The following NCAPD3 variants were observed in gnomAD, a reference collection of about 807,000 sequenced individuals.
The protein encoded by NCAPD3 is non-SMC condensin II complex subunit D3, also known as condensin-2 complex subunit D3.
NCAPD3 carries 105 observed loss-of-function variants against 182.9 expected under a neutral mutation model. The ratio of observed to expected loss-of-function variants is 0.57; its 90% CI spans 0.49 to 0.68. NCAPD3 has a LOEUF of 0.68. Ranked by LOEUF, NCAPD3 falls within the 30% of genes least tolerant of loss-of-function variation. The pLI is 0.00. For missense variants in NCAPD3, 1,944 were observed against 1,837.0 expected (o/e 1.06, Z -1.07); for synonymous variants, 815 against 679.9 (o/e 1.20, Z -3.09).
intron 3 of NCAPD3, among the ~76,000 whole-genome samples, chr11:134,214,928 A>T (rs576545503): frequency 6.6e-6 from 1 of 152,348 alleles, no homozygotes; most frequent in Non-Finnish European, 1.5e-5. Flanking sequence ...ATCTCAAAAA[A>T]AGAATATCCC....
chr11:134,177,155 A>G (rs946236946), intron 23 of NCAPD3, 64 bp downstream of exon 23: 2 of 1,285,152 alleles, frequency 1.6e-6, no homozygotes, highest in East Asian at 2.3e-5. Flanking sequence ...TATGCTACTC[A>G]AATATTCCCT....
Position 134,217,117 on chromosome 11 carries a change from T to C in NCAPD3, c.220-19A>G, listed in dbSNP as rs756258707. ...AGATACTCTGTGGGGAGACCGCAAA[T>C]CACAAAAGCCAGTCATTAGAGAAAT... On this transcript the variant is annotated intron_variant, in intron 2 of 34. Coordinates refer to ENST00000534548, the MANE Select transcript of NCAPD3 (RefSeq NM_015261.3). The C allele has an allele frequency of 2.6e-6, 4 of 1,552,582 alleles. No homozygotes were observed. Among genetic ancestry groups the C allele is most frequent in the African/African-American group, 2.8e-5 (2 of 71,770 alleles).
intron 27 of NCAPD3, among the ~76,000 whole-genome samples, chr11:134,165,430 C>G (rs755099778): frequency 6.8e-6 from 1 of 147,730 alleles, no homozygotes; most frequent in Non-Finnish European, 1.5e-5. Flanking sequence ...AAGAAGCACA[C>G]TCGTGAGATG....
chr11:134,172,142 C>T (rs1591833520), intron 24 of NCAPD3, among the ~76,000 whole-genome samples: 1 of 152,274 alleles, frequency 6.6e-6, no homozygotes. Context: ...GACGCCTCCA[C>T]CTCCACCTCC....
chr11:134,158,595 T>C (rs2120534196), intron 29 of NCAPD3, 100 bp from the exon 30 acceptor site: 6 of 1,259,582 alleles, frequency 4.8e-6, no homozygotes, highest in South Asian at 4.2e-5. Flanking sequence ...ATATGAGATT[T>C]TGATACATGT....
At chr11:134,156,162 A>G (rs1591818117) in intron 32 of NCAPD3, among the ~76,000 whole-genome samples, 2 of 152,336 alleles carry the variant, frequency 1.3e-5, no homozygotes, top group South Asian at 4.1e-4. Flanking sequence ...GCCTGGGCTC[A>G]GCGCCCAGCT....
intron 19 of NCAPD3, 32 bp from the exon 20 acceptor site, chr11:134,181,216 C>A: frequency 7.1e-7 from 1 of 1,414,466 alleles, no homozygotes; most frequent in Non-Finnish European, 1.0e-6. Context: ...CTCTGAAGGG[C>A]CCCGCACATC....
chr11:134,160,328 T>C (rs778919246), intron 28 of NCAPD3, among the ~76,000 whole-genome samples: 1 of 152,162 alleles, frequency 6.6e-6, no homozygotes, highest in Non-Finnish European at 1.5e-5. Context: ...ATGGTATATT[T>C]GGAGCAAACA....
chr11:134,179,933 A>C (rs866481683), intron 20 of NCAPD3, among the ~76,000 whole-genome samples: 1 of 152,318 alleles, frequency 6.6e-6, no homozygotes, highest in East Asian at 1.9e-4. Context: ...CTATTTAAAG[A>C]AGCAAGAATG....
chr11:134,215,280 C>T (rs1937973305), intron 3 of NCAPD3, among the ~76,000 whole-genome samples: 1 of 152,190 alleles, frequency 6.6e-6, no homozygotes, highest in Non-Finnish European at 1.5e-5. Flanking sequence ...CAAGGATCCC[C>T]ACGCTCCCCT....
chr11:134,215,875 A>AAAT (rs1938001949), intron 3 of NCAPD3, among the ~76,000 whole-genome samples: 1 of 152,224 alleles, frequency 6.6e-6, no homozygotes, highest in Non-Finnish European at 1.5e-5. Flanking sequence ...CTGTGATCGA[A>AAAT]TGTTAAGTAT....
chr11:134,163,365 G>A (rs753602664), intron 27 of NCAPD3, among the ~76,000 whole-genome samples: 3 of 152,068 alleles, frequency 2.0e-5, no homozygotes, highest in Non-Finnish European at 2.9e-5. Context: ...CCTGCCTTTA[G>A]TCTGTTTCAG....
chr11:134,215,829 G>A (rs1937998420), intron 3 of NCAPD3, among the ~76,000 whole-genome samples: 1 of 152,112 alleles, frequency 6.6e-6, no homozygotes, highest in Non-Finnish European at 1.5e-5. Flanking sequence ...ATGCAAGGGA[G>A]GCAGAACAAC....
At chr11:134,199,781 C>T (rs551898744) in intron 13 of NCAPD3, among the ~76,000 whole-genome samples, 2 of 152,230 alleles carry the variant, frequency 1.3e-5, no homozygotes, top group South Asian at 2.1e-4. Context: ...GGATCCATCC[C>T]GAGGAAGAAC....
chr11:134,161,964 T>C, intron 27 of NCAPD3, 73 bp from the exon 28 acceptor site: 1 of 760,554 alleles, frequency 1.3e-6, no homozygotes, highest in East Asian at 2.8e-5. Flanking sequence ...GATCTAGTTC[T>C]TTGAGTAGAG....
chr11:134,205,505 G>A (rs1439848932), intron 8 of NCAPD3, among the ~76,000 whole-genome samples: 2 of 151,366 alleles, frequency 1.3e-5, no homozygotes, highest in South Asian at 2.1e-4. Context: ...TCAGCCTCCC[G>A]AGTAGCTGGG....
intron 13 of NCAPD3, among the ~76,000 whole-genome samples, chr11:134,198,698 A>T (rs1192058788): frequency 6.6e-6 from 1 of 152,252 alleles, no homozygotes; most frequent in African/African-American, 2.4e-5. Flanking sequence ...TTCTTATATC[A>T]AGAAAATCCT....
Position 134,159,877 on chromosome 11 carries a change from G to A in NCAPD3, c.3867+15C>T. The stretch of plus-strand genomic sequence containing the variant: ...CTGGACTGTCTGGTCACAGTGCAGT[G>A]GGCCCCACACCTACCTGTGCCACAG... On this transcript the variant is annotated intron_variant, in intron 29 of 34. Coordinates refer to ENST00000534548, the MANE Select transcript of NCAPD3 (RefSeq NM_015261.3). The A allele has an allele frequency of 1.2e-6, 2 of 1,608,102 alleles. No homozygotes were observed. The highest frequency in any genetic ancestry group is 1.7e-6 in the Non-Finnish European group (2 of 1,178,234).
intron 22 of NCAPD3, 28 bp downstream of exon 22, chr11:134,178,606 A>AAGCCCCATTCTCCCATGTTT: frequency 6.8e-7 from 1 of 1,476,222 alleles, no homozygotes; most frequent in South Asian, 1.3e-5. Context: ...GAACGATGTC[A>AAGCCCCATTCTCCCATGTTT]AGCCCCATTC....
Sources: gnomAD v4.1 joint callset for allele counts (sites outside exome capture counted in the v4.1 genomes callset) on GRCh38, gnomAD v4.1.1 for gene constraint, MANE v1.5 for transcripts, NCBI Gene and HGNC (gene_info 2026-07-23, HGNC 2026-07-21) for gene names.